Variants in SPATC1L observed in about 807,000 individuals in gnomAD.
The protein encoded by SPATC1L is speriolin-like protein.
A neutral mutation model predicts 21.2 loss-of-function variants in SPATC1L; 20 were observed. That is an observed-to-expected ratio of 0.94 (90% CI 0.66 to 1.37). The LOEUF is 1.37. Ranked by LOEUF, SPATC1L falls within the 40% of genes most tolerant of loss-of-function variation. The pLI is 0.00. For missense variants in SPATC1L, 499 were observed against 478.7 expected (o/e 1.04, Z -0.40); for synonymous variants, 290 against 234.5 (o/e 1.24, Z -2.16).
chr21:46,162,142 G>GT, intron 3 of SPATC1L, 75 bp from the exon 4 acceptor site: 10 of 1,442,892 alleles, frequency 6.9e-6, no homozygotes, highest in Non-Finnish European at 9.2e-6. Flanking sequence ...CCTCGGCCAC[G>GT]TGGGGGGCGG....
In SPATC1L at chr21:46,161,962, C is replaced by T. The variant is rs146221890; in HGVS notation, c.650G>A (p.Arg217Gln). Residue 217 changes from arginine to glutamine, a missense_variant, in exon 4 of 5, where the codon CGG becomes CAG. Coordinates refer to ENST00000291672, the MANE Select transcript of SPATC1L (RefSeq NM_001142854.2). ...GTTGGCCACCGTGAAGCCGTAGAGC[C>T]GCGTCACGCCCGGGAACACGTAGGC... ...ILAYVFPGVT[R>Q]LYGFTVANIP... 2.6e-5 allele frequency: 42 copies of T among 1,608,106 alleles called. No homozygotes were observed. The highest frequency in any genetic ancestry group is 3.3e-5 in the Non-Finnish European group (39 of 1,179,290).
chr21:46,179,333 C>T (rs1369043864), intron 2 of SPATC1L, among the ~76,000 whole-genome samples: 1 of 151,986 alleles, frequency 6.6e-6, no homozygotes, highest in Non-Finnish European at 1.5e-5. Context: ...ATCCCTTAAG[C>T]CCAGGAGTTC....
At chr21:46,171,822 C>T (rs1181911144) in intron 2 of SPATC1L, among the ~76,000 whole-genome samples, 1 of 150,464 alleles carries the variant, frequency 6.6e-6, no homozygotes, top group Non-Finnish European at 1.5e-5. Flanking sequence ...CCAAACAAGT[C>T]ATAATCCCGA....
chr21:46,177,916 A>G (rs1298492159), intron 2 of SPATC1L, among the ~76,000 whole-genome samples: 1 of 152,262 alleles, frequency 6.6e-6, no homozygotes, highest in African/African-American at 2.4e-5. Context: ...CATAGACACC[A>G]TGGAATATTA....
At chr21:46,174,827 G>A (rs776074832) in intron 2 of SPATC1L, among the ~76,000 whole-genome samples, 13 of 152,208 alleles carry the variant, frequency 8.5e-5, no homozygotes, top group Non-Finnish European at 1.6e-4. Flanking sequence ...GATATCTACA[G>A]AACTCTCCAC....
chr21:46,169,602 A>C (rs2079569152), intron 2 of SPATC1L, among the ~76,000 whole-genome samples: 1 of 112,680 alleles, frequency 8.9e-6, no homozygotes, highest in South Asian at 2.9e-4. Context: ...CTGCTCTGTG[A>C]GCATCCTCTG....
intron 2 of SPATC1L, among the ~76,000 whole-genome samples, chr21:46,169,100 T>C (rs2079562688): frequency 6.6e-6 from 1 of 152,290 alleles, no homozygotes; most frequent in Admixed American, 6.5e-5. Context: ...TTCATTTAAC[T>C]GTTTCCTGGC....
intron 2 of SPATC1L, among the ~76,000 whole-genome samples, chr21:46,169,567 T>G (rs983471018): frequency 2.1e-5 from 3 of 140,644 alleles, no homozygotes; most frequent in Non-Finnish European, 3.1e-5. Flanking sequence ...TCTGTGTACA[T>G]CCTCTGTGGA....
chr21:46,174,332 C>CAAAA (rs66721282), intron 2 of SPATC1L, among the ~76,000 whole-genome samples: 1,811 of 34,144 alleles, frequency 0.053, 72 homozygotes, highest in African/African-American at 0.16. Flanking sequence ...GACTCTGTCT[C>CAAAA]AAAAAACAAA....
intron 2 of SPATC1L, among the ~76,000 whole-genome samples, chr21:46,177,433 A>AT (rs1342815118): frequency 1.3e-5 from 2 of 152,246 alleles, no homozygotes; most frequent in Non-Finnish European, 2.9e-5. Flanking sequence ...AAACAACCCC[A>AT]TTAAAAAGTG....
chr21:46,182,724 C>T lies in SPATC1L; in HGVS notation c.93G>A (p.Leu31=). The change falls in exon 2 of 5, where the codon CTG becomes CTA. Residue 31 remains leucine, a synonymous_variant. Transcript: ENST00000291672. ...QVRLLKENQM[L]RRLLSQSCQE... is the part of the protein sequence containing the mutation. ...GGCAGCTCTGGCTGAGCAGCCGCCG[C>T]AGCATCTGATTCTCCTTCAGGAGGC... 1 of 1,547,356 alleles carries T rather than the reference C, an allele frequency of 6.5e-7. No homozygotes were observed. The highest frequency in any genetic ancestry group is 8.7e-7 in the Non-Finnish European group (1 of 1,146,708).
chr21:46,161,448 G>A lies in SPATC1L; in HGVS notation c.954C>T (p.Asp318=), dbSNP rs1243815420. ...IDVVPPKFLG[D]SLLLLNCLCE... ...ACAGGCAGTTGAGCAGCAGCAGCGA[G>A]TCGCCCAGGAACTTGGGGGGCACCA... Residue 318 remains aspartate, a synonymous_variant, in exon 5 of 5, where the codon GAC becomes GAT. Transcript: ENST00000291672. The A allele has an allele frequency of 6.3e-7, 1 of 1,587,222 alleles. No individual in the cohort carries two copies. The highest frequency in any genetic ancestry group is 1.1e-5 in the South Asian group (1 of 89,164).
chr21:46,163,277 G>T (rs1412609733), intron 3 of SPATC1L, among the ~76,000 whole-genome samples: 1 of 152,088 alleles, frequency 6.6e-6, no homozygotes, highest in Non-Finnish European at 1.5e-5. Context: ...CCATTCTCCG[G>T]GTTGGCTTTT....
chr21:46,177,488 C>T (rs528016936), intron 2 of SPATC1L, among the ~76,000 whole-genome samples: 5 of 152,220 alleles, frequency 3.3e-5, no homozygotes, highest in East Asian at 1.9e-4. Context: ...ATACAGCCAA[C>T]GAGCATATGA....
chr21:46,182,418 G>A (rs769608974), intron 2 of SPATC1L, among the ~76,000 whole-genome samples: 4 of 152,192 alleles, frequency 2.6e-5, no homozygotes, highest in Non-Finnish European at 5.9e-5. Context: ...CTCCCACTTC[G>A]CCAGCGACCG....
intron 2 of SPATC1L, among the ~76,000 whole-genome samples, chr21:46,171,729 G>A (rs978686394): frequency 1.3e-5 from 2 of 152,062 alleles, no homozygotes; most frequent in Non-Finnish European, 2.9e-5. Flanking sequence ...AATACACAAA[G>A]AAGGAAAATC....
At chr21:46,164,894 A>G (rs1264968491) in intron 3 of SPATC1L, among the ~76,000 whole-genome samples, 1 of 152,136 alleles carries the variant, frequency 6.6e-6, no homozygotes, top group Non-Finnish European at 1.5e-5. Context: ...TGATTCTAGT[A>G]TAGGTTCTAG....
chr21:46,164,706 G>C (rs898901071), intron 3 of SPATC1L, among the ~76,000 whole-genome samples: 62 of 151,346 alleles, frequency 4.1e-4, no homozygotes, highest in Middle Eastern at 3.4e-3. Flanking sequence ...GCAGGAGAAT[G>C]GCTTGAACCC....
At chr21:46,172,017 C>T (rs1426170994) in intron 2 of SPATC1L, among the ~76,000 whole-genome samples, 1 of 92,220 alleles carries the variant, frequency 1.1e-5, no homozygotes, top group Non-Finnish European at 2.3e-5. Context: ...TGATCAAGAA[C>T]ACACAGCACG....
Sources: gnomAD v4.1 joint callset for allele counts (sites outside exome capture counted in the v4.1 genomes callset) on GRCh38, gnomAD v4.1.1 for gene constraint, MANE v1.5 for transcripts, NCBI Gene and HGNC (gene_info 2026-07-23, HGNC 2026-07-21) for gene names.